The following TLCD4 variants were observed in gnomAD, a reference collection of about 807,000 sequenced individuals.
TLCD4 encodes the protein TLC domain-containing protein 4.
Under a neutral mutation model 24.2 loss-of-function variants are expected in TLCD4, and 7 were observed. That is an observed-to-expected ratio of 0.29 (90% confidence interval 0.16 to 0.54). The LOEUF is 0.54. Among genes scored for constraint, TLCD4 ranks in the 20% least tolerant of loss-of-function variants. The pLI is 0.95. For synonymous variants in TLCD4, 103 were observed against 106.4 expected, an observed-to-expected ratio of 0.97 and a Z score of 0.20; for missense variants, 259 against 313.9, an observed-to-expected ratio of 0.82 and a Z score of 1.32.
At chr1:95,155,224 C>T (rs1677600267) in intron 5 of TLCD4, among the ~76,000 whole-genome samples, 2 of 151,998 alleles carry the variant, frequency 1.3e-5, no homozygotes, top group African/African-American at 4.8e-5. Context: ...AAAATCCAGA[C>T]TTCCATAATC....
intron 6 of TLCD4, among the ~76,000 whole-genome samples, chr1:95,184,993 G>A (rs1490091699): frequency 1.3e-5 from 2 of 151,534 alleles, no homozygotes; most frequent in East Asian, 3.9e-4. Flanking sequence ...TAACACTATG[G>A]TTATGAGGAA....
At chr1:95,166,065 G>A (rs970045182) in intron 5 of TLCD4, among the ~76,000 whole-genome samples, 1 of 152,164 alleles carries the variant, frequency 6.6e-6, no homozygotes, top group Non-Finnish European at 1.5e-5. Context: ...TGGGTTGTGA[G>A]GATCAGAAGT....
At chr1:95,166,908 T>A (rs7529660) in intron 5 of TLCD4, among the ~76,000 whole-genome samples, 147,750 of 151,378 alleles carry the variant, frequency 0.98, 72,160 homozygotes, top group South Asian at 0.99. Flanking sequence ...AAAAAAAAAA[T>A]TTTTTTTGTA....
chr1:95,122,516 T>C (rs1467481914), intron 1 of TLCD4, among the ~76,000 whole-genome samples: 1 of 152,248 alleles, frequency 6.6e-6, no homozygotes, highest in Non-Finnish European at 1.5e-5. Flanking sequence ...CCTTAGTTGA[T>C]GTTTTCAGTG....
intron 5 of TLCD4, among the ~76,000 whole-genome samples, chr1:95,156,656 G>A (rs952891452): frequency 6.6e-6 from 1 of 152,104 alleles, no homozygotes; most frequent in Non-Finnish European, 1.5e-5. Flanking sequence ...TGGTTATAGT[G>A]GTGGTTATAT....
At chr1:95,140,230 T>G (rs1257838240) in intron 1 of TLCD4, among the ~76,000 whole-genome samples, 25 of 152,222 alleles carry the variant, frequency 1.6e-4, no homozygotes, top group Non-Finnish European at 1.0e-4. Context: ...TGCACATAAT[T>G]GTATGTGCTA....
intron 5 of TLCD4, among the ~76,000 whole-genome samples, chr1:95,165,544 C>T (rs960632948): frequency 6.6e-6 from 1 of 150,918 alleles, no homozygotes; most frequent in Non-Finnish European, 1.5e-5. Flanking sequence ...TGGCTCACTG[C>T]AACCTCCACT....
chr1:95,145,130 G>C (rs1677310346), intron 2 of TLCD4, among the ~76,000 whole-genome samples: 1 of 152,172 alleles, frequency 6.6e-6, no homozygotes, highest in South Asian at 2.1e-4. Context: ...CTGTGCATTT[G>C]TAAACCTCAG....
At chr1:95,129,141 A>G (rs11582082) in intron 1 of TLCD4, among the ~76,000 whole-genome samples, 11,233 of 152,240 alleles carry the variant, frequency 0.074, 503 homozygotes, top group Non-Finnish European at 0.1. Flanking sequence ...TGAAAAGTTA[A>G]GCTTAAATAT....
chr1:95,125,265 T>C (rs1168889530), intron 1 of TLCD4, among the ~76,000 whole-genome samples: 1 of 152,216 alleles, frequency 6.6e-6, no homozygotes, highest in African/African-American at 2.4e-5. Context: ...AAGTTTGTGA[T>C]GTGATGAAGG....
At chr1:95,188,786 A>G (rs1678922528) in intron 6 of TLCD4, among the ~76,000 whole-genome samples, 1 of 152,014 alleles carries the variant, frequency 6.6e-6, no homozygotes, top group South Asian at 2.1e-4. Context: ...TTCATATTGT[A>G]TATTGTGTAT....
chr1:95,129,702 A>C (rs748610026), intron 1 of TLCD4, among the ~76,000 whole-genome samples: 1 of 152,186 alleles, frequency 6.6e-6, no homozygotes, highest in Non-Finnish European at 1.5e-5. Flanking sequence ...AGATCGTGCC[A>C]TTGCACTCCA....
rs185714665 is a variant in TLCD4 at position 95,193,621 on chromosome 1, G to A, written c.*1753G>A. 1.9e-3 allele frequency: 291 copies of A among 152,166 alleles called. No individual in the cohort carries two copies. Among genetic ancestry groups the A allele is most frequent in the African/African-American group, 6.8e-3 (282 of 41,552 alleles). 9.4% of individuals were successfully genotyped at this position (152,166 alleles called of 1,614,324 possible). On this transcript the variant is annotated 3_prime_UTR_variant, in exon 7 of 7. Coordinates refer to ENST00000370203, the MANE Select transcript of TLCD4 (RefSeq NM_152487.3). The stretch of plus-strand genomic sequence containing the variant: ...GCTTTTATTATTCAATGCAGATAGA[G>A]CCTGATAAGTTTTAGAACATTTAAA...
the TLCD4 span, among the ~76,000 whole-genome samples, chr1:95,102,470 G>T: frequency 3.9e-5 from 6 of 152,132 alleles, no homozygotes; most frequent in Admixed American, 1.3e-4. Flanking sequence ...GTGATTAGAA[G>T]GATGATGACT....
chr1:95,130,342 C>T (rs1042744077), intron 1 of TLCD4, among the ~76,000 whole-genome samples: 8 of 151,924 alleles, frequency 5.3e-5, no homozygotes, highest in Non-Finnish European at 7.4e-5. Context: ...TTGGTAGAGA[C>T]GGGGTTTTAC....
the TLCD4 span, among the ~76,000 whole-genome samples, chr1:95,107,813 G>A: frequency 3.3e-5 from 5 of 152,166 alleles, no homozygotes; most frequent in South Asian, 4.2e-4. Context: ...TCCAAGCAAC[G>A]TCTGTTAACA....
intron 5 of TLCD4, among the ~76,000 whole-genome samples, chr1:95,157,977 A>G (rs1571751883): frequency 6.6e-6 from 1 of 152,274 alleles, no homozygotes; most frequent in African/African-American, 2.4e-5. Flanking sequence ...CTGTTCAGAC[A>G]CTATCCGTAT....
chr1:95,156,097 C>T (rs529492810), intron 5 of TLCD4, among the ~76,000 whole-genome samples: 4 of 152,068 alleles, frequency 2.6e-5, no homozygotes, highest in African/African-American at 9.6e-5. Context: ...GTCTGATTCT[C>T]CAGAGATAAC....
At chr1:95,099,407 T>A in the TLCD4 span, among the ~76,000 whole-genome samples, 5 of 152,330 alleles carry the variant, frequency 3.3e-5, no homozygotes, top group East Asian at 7.7e-4. Flanking sequence ...ACATTTACAA[T>A]GACTTTCTGT....
Sources: gnomAD v4.1 joint callset for allele counts (sites outside exome capture counted in the v4.1 genomes callset) on GRCh38, gnomAD v4.1.1 for gene constraint, MANE v1.5 for transcripts, NCBI Gene and HGNC (gene_info 2026-07-23, HGNC 2026-07-21) for gene names.